Variants in PARD3B observed in about 807,000 individuals in gnomAD.
PARD3B encodes the protein par-3 family cell polarity regulator beta.
In PARD3B, 103 loss-of-function variants were observed where a neutral mutation model predicts 130.2. The ratio of observed to expected loss-of-function variants is 0.79; its 90% confidence interval spans 0.67 to 0.93. The LOEUF (loss-of-function observed/expected upper bound fraction) is 0.93. PARD3B is among the 40% of genes least tolerant of loss of function. The pLI is 0.00. For missense variants in PARD3B, 1,609 were observed against 1,499.2 expected (o/e 1.07, Z -1.21); for synonymous variants, 583 against 553.2 (o/e 1.05, Z -0.76).
chr2:204,580,177 C>G (rs1317768130), intron 1 of PARD3B, among the ~76,000 whole-genome samples: 1 of 152,292 alleles, frequency 6.6e-6, no homozygotes, highest in East Asian at 1.9e-4. Context: ...AGTAAAGAGA[C>G]AGAAGTAGAG....
At chr2:205,055,086 G>A (rs1699549945) in intron 4 of PARD3B, among the ~76,000 whole-genome samples, 1 of 152,090 alleles carries the variant, frequency 6.6e-6, no homozygotes, top group South Asian at 2.1e-4. Context: ...CAAGCCCCCA[G>A]GCACAGTGCC....
chr2:205,181,965 A>G (rs868201723), intron 13 of PARD3B, among the ~76,000 whole-genome samples: 2 of 152,186 alleles, frequency 1.3e-5, no homozygotes, highest in African/African-American at 4.8e-5. Flanking sequence ...AGAAAATAAA[A>G]ATTCCTTACA....
chr2:205,112,045 A>T (rs1265449393), intron 5 of PARD3B, among the ~76,000 whole-genome samples: 2 of 152,136 alleles, frequency 1.3e-5, no homozygotes, highest in African/African-American at 4.8e-5. Context: ...CCATATACAT[A>T]TGAGTGTTCA....
chr2:204,652,705 A>G (rs1406794992), intron 1 of PARD3B, among the ~76,000 whole-genome samples: 1 of 152,184 alleles, frequency 6.6e-6, no homozygotes, highest in Non-Finnish European at 1.5e-5. Flanking sequence ...TTACACTGCT[A>G]TAAAGAACTA....
At chr2:204,927,840 G>T (rs932457784) in intron 2 of PARD3B, among the ~76,000 whole-genome samples, 2 of 132,938 alleles carry the variant, frequency 1.5e-5, no homozygotes, top group Non-Finnish European at 3.2e-5. Flanking sequence ...AGGTAGGTAC[G>T]TAGGTAGGTA....
intron 2 of PARD3B, among the ~76,000 whole-genome samples, chr2:204,955,975 T>A (rs1690202346): frequency 6.6e-6 from 1 of 152,152 alleles, no homozygotes; most frequent in African/African-American, 2.4e-5. Flanking sequence ...GATGAAGAAC[T>A]TGAAGCTGGG....
At chr2:204,638,696 G>A (rs2034972913) in intron 1 of PARD3B, among the ~76,000 whole-genome samples, 1 of 151,784 alleles carries the variant, frequency 6.6e-6, no homozygotes, top group South Asian at 2.1e-4. Context: ...GGGAGGAGGG[G>A]GACTTCAAAT....
intron 19 of PARD3B, among the ~76,000 whole-genome samples, chr2:205,403,524 A>T (rs2046322132): frequency 6.6e-6 from 1 of 152,106 alleles, no homozygotes; most frequent in Admixed American, 6.5e-5. Context: ...AGGAAAAAAA[A>T]AACCAAATTC....
intron 18 of PARD3B, among the ~76,000 whole-genome samples, chr2:205,355,462 T>G (rs2044158422): frequency 6.6e-6 from 1 of 152,196 alleles, no homozygotes; most frequent in Admixed American, 6.5e-5. Flanking sequence ...TATGATCAAA[T>G]ATCTTTTCTT....
intron 2 of PARD3B, among the ~76,000 whole-genome samples, chr2:204,707,670 A>G (rs575899827): frequency 6.6e-6 from 1 of 152,298 alleles, no homozygotes; most frequent in South Asian, 2.1e-4. Flanking sequence ...GATTGCAATA[A>G]GCCCTTTTTC....
At chr2:205,057,244 A>T (rs918775199) in intron 4 of PARD3B, among the ~76,000 whole-genome samples, 1 of 150,536 alleles carries the variant, frequency 6.6e-6, no homozygotes, top group Non-Finnish European at 1.5e-5. Flanking sequence ...ATATACATAT[A>T]CATGTGTTAT....
chr2:205,429,217 C>T (rs1393162946), intron 19 of PARD3B, among the ~76,000 whole-genome samples: 4 of 152,126 alleles, frequency 2.6e-5, no homozygotes, highest in African/African-American at 7.2e-5. Context: ...TTCACAATCC[C>T]GTATTCCCCC....
intron 2 of PARD3B, among the ~76,000 whole-genome samples, chr2:204,939,537 A>G (rs992441254): frequency 9.2e-5 from 14 of 152,200 alleles, no homozygotes; most frequent in Middle Eastern, 3.2e-3. Flanking sequence ...ATTATGCTGT[A>G]AAAACAAATG....
At chr2:205,510,555 A>G (rs2050551461) in intron 21 of PARD3B, among the ~76,000 whole-genome samples, 1 of 152,124 alleles carries the variant, frequency 6.6e-6, no homozygotes, top group South Asian at 2.1e-4. Context: ...CCTCTCTCCC[A>G]CACACATACT....
intron 19 of PARD3B, among the ~76,000 whole-genome samples, chr2:205,429,923 C>T (rs2047271975): frequency 6.6e-6 from 1 of 152,154 alleles, no homozygotes. Flanking sequence ...TGTTTCTTAG[C>T]TTATAGACAC....
intron 3 of PARD3B, among the ~76,000 whole-genome samples, chr2:205,028,483 A>G (rs992854304): frequency 6.6e-6 from 1 of 152,170 alleles, no homozygotes; most frequent in African/African-American, 2.4e-5. Context: ...GCCCACACCT[A>G]ATATAATACT....
chr2:205,167,793 T>C (rs2034903561), intron 11 of PARD3B, among the ~76,000 whole-genome samples: 1 of 152,224 alleles, frequency 6.6e-6, no homozygotes, highest in African/African-American at 2.4e-5. Context: ...CTTTGACAAG[T>C]CACTTAATTT....
intron 18 of PARD3B, among the ~76,000 whole-genome samples, chr2:205,363,828 CTGACTT>C: frequency 7.3e-6 from 1 of 137,168 alleles, no homozygotes; most frequent in African/African-American, 2.9e-5. Context: ...CAACGCCTGA[CTGACTT>C]TTTTTTTTTT....
At chr2:204,992,476 T>G (rs1693800338) in intron 3 of PARD3B, among the ~76,000 whole-genome samples, 2 of 145,338 alleles carry the variant, frequency 1.4e-5, no homozygotes, top group South Asian at 2.3e-4. Flanking sequence ...TTTTGGTTAC[T>G]GTAGCCTTGT....
Sources: gnomAD v4.1 joint callset for allele counts (sites outside exome capture counted in the v4.1 genomes callset) on GRCh38, gnomAD v4.1.1 for gene constraint, MANE v1.5 for transcripts, NCBI Gene and HGNC (gene_info 2026-07-23, HGNC 2026-07-21) for gene names.